The following PTPRT variants were observed in gnomAD, a reference collection of about 807,000 sequenced individuals.
PTPRT encodes receptor-type tyrosine-protein phosphatase T.
PTPRT carries 56 observed loss-of-function variants against 176.8 expected under a neutral mutation model. The observed-to-expected ratio is 0.32, with a 90% CI of 0.26 to 0.40. The LOEUF is 0.40. PTPRT is among the 10% of genes least tolerant of loss of function. The pLI is 1.00. For missense variants in PTPRT, 1,540 were observed against 1,908.2 expected (o/e 0.81, Z 3.60); for synonymous variants, 783 against 739.0 (o/e 1.06, Z -0.96).
chr20:42,832,929 T>A (rs2145698804), intron 2 of PTPRT, among the ~76,000 whole-genome samples: 1 of 151,586 alleles, frequency 6.6e-6, no homozygotes, highest in African/African-American at 2.4e-5. Flanking sequence ...TAAAAAACTG[T>A]GTCTCTACAA....
At chr20:42,543,921 A>T (rs2072627279) in intron 7 of PTPRT, among the ~76,000 whole-genome samples, 1 of 152,178 alleles carries the variant, frequency 6.6e-6, no homozygotes, top group Non-Finnish European at 1.5e-5. Flanking sequence ...TGGTCTCAAT[A>T]GTGGGCTTAA....
At chr20:42,050,082 G>T in the PTPRT span, among the ~76,000 whole-genome samples, 1 of 152,228 alleles carries the variant, frequency 6.6e-6, no homozygotes, top group Non-Finnish European at 1.5e-5. Context: ...ATGCTTGCAT[G>T]CACAGCTTGG....
chr20:42,459,992 C>T (rs906256749), intron 8 of PTPRT, among the ~76,000 whole-genome samples: 16 of 152,120 alleles, frequency 1.1e-4, no homozygotes, highest in African/African-American at 3.1e-4. Context: ...GTTTTTGGCT[C>T]GAGACACTAA....
rs78166616 is a variant in PTPRT, at chr20:42,757,546, C to T, written c.685-910G>A. Among the ~76,000 whole-genome samples the T allele has an allele frequency of 8.0e-3, 1,220 of 152,332 alleles. 11 individuals are homozygous for T. Among genetic ancestry groups the T allele is most frequent in the Non-Finnish European group, 0.012 (798 of 68,036 alleles). On this transcript the variant is annotated intron_variant, in intron 5 of 30. Coordinates refer to ENST00000373187, the MANE Select transcript of PTPRT (RefSeq NM_007050.6). ...TCCGTCTTCCGTAAAAAGCCACGTT[C>T]AGCTCACAGCCATCTCTAGTCAGTT...
intron 1 of PTPRT, among the ~76,000 whole-genome samples, chr20:43,091,002 G>A (rs748709573): frequency 6.6e-5 from 10 of 152,260 alleles, no homozygotes; most frequent in South Asian, 2.1e-4. Flanking sequence ...AGGCCGAGGC[G>A]GGCAGATCAC....
intron 7 of PTPRT, among the ~76,000 whole-genome samples, chr20:42,483,167 C>T (rs527482548): frequency 2.6e-5 from 4 of 152,198 alleles, no homozygotes; most frequent in East Asian, 1.9e-4. Context: ...CCAGTTTTCA[C>T]TCATTCTTCT....
chr20:42,920,188 T>A (rs531196632), intron 1 of PTPRT, among the ~76,000 whole-genome samples: 1 of 152,310 alleles, frequency 6.6e-6, no homozygotes, highest in South Asian at 2.1e-4. Flanking sequence ...GCTTAGCAAC[T>A]TGTGGGAGAT....
At chr20:42,793,475 T>G (rs2077406536) in intron 2 of PTPRT, among the ~76,000 whole-genome samples, 1 of 152,130 alleles carries the variant, frequency 6.6e-6, no homozygotes, top group Non-Finnish European at 1.5e-5. Context: ...AAGATTATTG[T>G]CTCTAGTTCC....
At chr20:42,869,918 G>T (rs768115593) in intron 2 of PTPRT, among the ~76,000 whole-genome samples, 15 of 152,140 alleles carry the variant, frequency 9.9e-5, no homozygotes, top group Non-Finnish European at 1.9e-4. Flanking sequence ...CATTATAAAA[G>T]AGCTGGAGGG....
chr20:42,356,479 G>A (rs1204882673), intron 9 of PTPRT, among the ~76,000 whole-genome samples: 1 of 152,146 alleles, frequency 6.6e-6, no homozygotes, highest in East Asian at 1.9e-4. Flanking sequence ...TGGATCACCT[G>A]AGGTCGGGAG....
intron 1 of PTPRT, among the ~76,000 whole-genome samples, chr20:43,091,809 G>A (rs910764980): frequency 4.6e-5 from 7 of 152,074 alleles, no homozygotes; most frequent in Non-Finnish European, 7.4e-5. Context: ...ACTTCACAGC[G>A]TGCAATTGAA....
intron 9 of PTPRT, among the ~76,000 whole-genome samples, chr20:42,447,686 T>G (rs889294340): frequency 5.3e-5 from 8 of 152,298 alleles, no homozygotes; most frequent in African/African-American, 1.9e-4. Context: ...GGTTCATCTC[T>G]GATATGGTAA....
intron 9 of PTPRT, among the ~76,000 whole-genome samples, chr20:42,355,483 C>G (rs1366308632): frequency 6.6e-6 from 1 of 152,164 alleles, no homozygotes; most frequent in African/African-American, 2.4e-5. Flanking sequence ...GAAGGACAAT[C>G]CTGAGTCAGA....
At chr20:43,063,997 C>T (rs1987575721) in intron 1 of PTPRT, among the ~76,000 whole-genome samples, 1 of 151,982 alleles carries the variant, frequency 6.6e-6, no homozygotes, top group Admixed American at 6.6e-5. Flanking sequence ...CTTATATTTA[C>T]CCGTGGACTT....
chr20:43,044,648 A>G (rs764634962), intron 1 of PTPRT, among the ~76,000 whole-genome samples: 16 of 152,160 alleles, frequency 1.1e-4, no homozygotes, highest in Non-Finnish European at 2.1e-4. Context: ...CTCCACCTGT[A>G]AAACGGGGAC....
chr20:42,438,711 T>C (rs1264735287), intron 9 of PTPRT, among the ~76,000 whole-genome samples: 1 of 152,194 alleles, frequency 6.6e-6, no homozygotes, highest in Non-Finnish European at 1.5e-5. Context: ...GCAGCAACCT[T>C]TATTGTTTTC....
At chr20:42,404,429 T>C (rs1209775083) in intron 9 of PTPRT, among the ~76,000 whole-genome samples, 1 of 152,110 alleles carries the variant, frequency 6.6e-6, no homozygotes, top group African/African-American at 2.4e-5. Flanking sequence ...AAACAAAAAT[T>C]ATGGTTTTCT....
chr20:42,862,464 T>G (rs929153224), intron 2 of PTPRT, among the ~76,000 whole-genome samples: 1 of 152,184 alleles, frequency 6.6e-6, no homozygotes, highest in Non-Finnish European at 1.5e-5. Context: ...TTGTGTGTCC[T>G]CAAGCAAGAG....
chr20:42,761,024 G>A (rs1383496178), intron 5 of PTPRT, among the ~76,000 whole-genome samples: 2 of 152,162 alleles, frequency 1.3e-5, no homozygotes, highest in African/African-American at 2.4e-5. Context: ...ATACTTCATG[G>A]AGGAAAACAG....
Sources: allele counts gnomAD v4.1 joint callset (sites outside exome capture counted in the v4.1 genomes callset), GRCh38; gene constraint gnomAD v4.1.1; transcripts MANE v1.5; gene names NCBI Gene and HGNC (gene_info 2026-07-23, HGNC 2026-07-21).